CMYA5: variants seen among roughly 807,000 people sequenced by gnomAD.
CMYA5 encodes cardiomyopathy associated 5.
CMYA5 carries 246 observed loss-of-function variants against 318.9 expected under a neutral mutation model. The observed-to-expected ratio is 0.77, with a 90% CI of 0.70 to 0.86. CMYA5 has a LOEUF of 0.86. Ranked by LOEUF, CMYA5 falls within the 40% of genes least tolerant of loss-of-function variation. The probability of loss-of-function intolerance (pLI) is 0.00; values close to 1 mark genes in which losing one functional copy is unlikely to be tolerated. For missense variants in CMYA5, 4,589 were observed against 4,678.2 expected (o/e 0.98, Z 0.56); for synonymous variants, 1,641 against 1,729.5 (o/e 0.95, Z 1.27).
chr5:79,699,443 AC>A (rs1449912237), intron 1 of CMYA5, among the ~76,000 whole-genome samples: 1 of 152,198 alleles, frequency 6.6e-6, no homozygotes, highest in African/African-American at 2.4e-5. Flanking sequence ...AAATGCAGAC[AC>A]CTTTGAGAGG....
intron 9 of CMYA5, among the ~76,000 whole-genome samples, chr5:79,771,482 G>A (rs773615604): frequency 1.8e-4 from 28 of 152,236 alleles, no homozygotes; most frequent in Middle Eastern, 3.4e-3. Context: ...AATGGCATCC[G>A]TCCCCAGTTG....
intron 12 of CMYA5, among the ~76,000 whole-genome samples, chr5:79,795,792 C>A (rs1829264493): frequency 6.6e-6 from 1 of 152,078 alleles, no homozygotes; most frequent in African/African-American, 2.4e-5. Flanking sequence ...AGAGGTGGGA[C>A]TCAAGGGAGT....
rs762176860 is a variant in CMYA5, at chr5:79,731,343, A to G, written c.2578A>G (p.Thr860Ala). Residue 860 changes from threonine to alanine, a missense_variant, in exon 2 of 13, where the codon ACA (threonine) becomes GCA (alanine). Physicochemically the swap from Thr to Ala is moderately conservative, Grantham distance 58 (BLOSUM62 0). Coordinates refer to ENST00000446378, the MANE Select transcript of CMYA5 (RefSeq NM_153610.5). ...ATCTGAACACTCTTTCCCACCACAC[A>G]CAACCGAGATGACTTCTGAATGCCA... Reference protein sequence around the residue: ...VASEHSFPPHTTEMTSECQAP... With the variant: ...VASEHSFPPHATEMTSECQAP... The G allele has an allele frequency of 6.2e-7, 1 of 1,613,908 alleles. No individual in the cohort carries two copies. The highest frequency in any genetic ancestry group is 1.1e-5 in the South Asian group (1 of 91,072).
rs1460724806 is a variant in CMYA5 at position 79,734,564 on chromosome 5, G to A, written c.5799G>A (p.Val1933=). Residue 1933 remains valine, a synonymous_variant, in exon 2 of 13, where the codon GTG becomes GTA. Coordinates refer to ENST00000446378, the MANE Select transcript of CMYA5 (RefSeq NM_153610.5). ...GGCCAGGGCAGCTCAAGGCTGCTGTGTCCAGTAAGGACCATACATGTGAAG... is the reference window on the plus strand; with the variant it reads ...GGCCAGGGCAGCTCAAGGCTGCTGTATCCAGTAAGGACCATACATGTGAAG... The part of the protein sequence containing the change: ...ELRPGQLKAA[V]SSKDHTCEVR... The A allele has an allele frequency of 1.9e-6, 3 of 1,613,902 alleles. No individual in the cohort carries two copies. The highest frequency in any genetic ancestry group is 2.5e-6 in the Non-Finnish European group (3 of 1,179,844).
chr5:79,752,687 C>T lies in CMYA5; in HGVS notation c.11003C>T (p.Ala3668Val). ...CTATTCCCCGATAGGTTGCTTTCTGCAATGGAGAGCACTGCTTCTTTAGAG... is the reference window on the plus strand; with the variant it reads ...CTATTCCCCGATAGGTTGCTTTCTGTAATGGAGAGCACTGCTTCTTTAGAG... ...FEEINERLLS[A>V]MESTASLEKM... The change falls in exon 6 of 13, where the codon GCA (alanine) becomes GTA (valine). Residue 3668 changes from alanine to valine, a missense_variant. By Grantham distance (64) the Ala-to-Val change is moderately conservative (BLOSUM62 0). Transcript: ENST00000446378. 1 of 1,611,988 alleles carries T rather than the reference C, an allele frequency of 6.2e-7. No homozygotes were observed. The highest frequency in any genetic ancestry group is 8.5e-7 in the Non-Finnish European group (1 of 1,178,466).
chr5:79,743,758 TGGAGCTCACTGGTTGA>T, intron 2 of CMYA5, 53 bp from the exon 3 acceptor site: 1 of 748,740 alleles, frequency 1.3e-6, no homozygotes, highest in Non-Finnish European at 2.2e-6. Context: ...ATAAGGAACT[TGGAGCTCACTGGTTGA>T]AGTTCTCTTC....
In CMYA5 at chr5:79,737,878, AT is replaced by A; in HGVS notation, c.9116del (p.Leu3039TyrfsTer20). On this transcript the variant is annotated frameshift_variant, in exon 2 of 13. Coordinates refer to ENST00000446378, the MANE Select transcript of CMYA5 (RefSeq NM_153610.5). LOFTEE classifies it high-confidence loss of function. ...KEEISTDSET[D>X]LSFIQPTIPS... ...GAGATATCCACAGATTCAGAAACTG[AT>A]TTATCATTTATTCAGCCCACAATTC... 1 of 1,599,738 alleles carries A rather than the reference AT, an allele frequency of 6.3e-7. No individual in the cohort carries two copies. The highest frequency in any genetic ancestry group is 8.5e-7 in the Non-Finnish European group (1 of 1,176,380).
At position 79,734,032 on chromosome 5, in the gene CMYA5, G is replaced by A. The variant is rs1827988155; in HGVS notation, c.5267G>A (p.Ser1756Asn). Residue 1756 changes from serine to asparagine, a missense_variant, in exon 2 of 13, where the codon AGC (serine) becomes AAC (asparagine). Ser to Asn is a conservative substitution (Grantham distance 46). This residue lies in a region of CMYA5 where 2,132 missense variants were observed against 2,131.3 expected (regional missense o/e 1.00). Coordinates refer to ENST00000446378, the MANE Select transcript of CMYA5 (RefSeq NM_153610.5). ...TTAAAAGGATTATCAGAGGAGGTTAGCCATCCAGCCGACTTTAAAAAGGGA... is the reference window on the plus strand; with the variant it reads ...TTAAAAGGATTATCAGAGGAGGTTAACCATCCAGCCGACTTTAAAAAGGGA... ...FSLKGLSEEV[S>N]HPADFKKGGN... 1.9e-6 allele frequency: 3 copies of A among 1,613,668 alleles called. No homozygotes were observed. The highest frequency in any genetic ancestry group is 2.5e-6 in the Non-Finnish European group (3 of 1,179,850).
intron 1 of CMYA5, among the ~76,000 whole-genome samples, chr5:79,723,309 G>GT (rs1358509915): frequency 1.3e-5 from 2 of 151,970 alleles, no homozygotes; most frequent in African/African-American, 2.4e-5. Context: ...AGCAGTGGCA[G>GT]GCACCTGTAA....
At chr5:79,721,814 A>G (rs991256611) in intron 1 of CMYA5, among the ~76,000 whole-genome samples, 1 of 152,230 alleles carries the variant, frequency 6.6e-6, no homozygotes, top group African/African-American at 2.4e-5. Flanking sequence ...ATTAACATAG[A>G]TTCAAAATGT....
chr5:79,733,413 G>A lies in CMYA5; in HGVS notation c.4648G>A (p.Val1550Met), dbSNP rs766427762. 6 of 1,613,680 alleles carry A rather than the reference G, an allele frequency of 3.7e-6. No homozygotes were observed. The highest frequency in any genetic ancestry group is 5.1e-6 in the Non-Finnish European group (6 of 1,179,820). ...KETELPSSQNVSPASKHIIPK... is the reference protein window; with the variant it reads ...KETELPSSQNMSPASKHIIPK... ...AACTGAACTTCCTTCATCACAAAAT[G>A]TGTCACCTGCATCCAAACATATAAT... The change falls in exon 2 of 13, where the codon GTG (valine) becomes ATG (methionine). Residue 1550 changes from valine to methionine, a missense_variant. Transcript: ENST00000446378.
At chr5:79,762,826 G>A (rs1828678013) in intron 8 of CMYA5, 2 of 469,528 alleles carry the variant, frequency 4.3e-6, no homozygotes, top group Non-Finnish European at 3.8e-6. Flanking sequence ...TTTATAGGAA[G>A]CTACTATTAG....
intron 9 of CMYA5, among the ~76,000 whole-genome samples, chr5:79,786,672 CAGAATTTTTGA>C (rs1829087192): frequency 6.6e-6 from 1 of 152,056 alleles, no homozygotes; most frequent in Non-Finnish European, 1.5e-5. Flanking sequence ...TCTCAAATTC[CAGAATTTTTGA>C]AGTTTTTGTT....
At position 79,761,835 on chromosome 5, in the gene CMYA5, C is replaced by G; in HGVS notation, c.11285C>G (p.Thr3762Arg). Reference sequence around the variant, plus strand: ...GAGTTGGTAGAAGAATACAGACTGACAGTGAAAGAAAGCTACTGCATTTTT... The same window carrying G: ...GAGTTGGTAGAAGAATACAGACTGAGAGTGAAAGAAAGCTACTGCATTTTT... The part of the protein sequence containing the change: ...VNELVEEYRL[T>R]VKESYCIFED... Residue 3762 changes from threonine (T) to arginine (R), a missense_variant, in exon 8 of 13, where the codon ACA (threonine) becomes AGA (arginine). Thr to Arg is a moderately conservative substitution (Grantham distance 71, BLOSUM62 -1). Coordinates refer to ENST00000446378, the MANE Select transcript of CMYA5 (RefSeq NM_153610.5). 1 of 1,613,408 alleles carries G rather than the reference C, an allele frequency of 6.2e-7. No individual in the cohort carries two copies. Among genetic ancestry groups the G allele is most frequent in the Non-Finnish European group, 8.5e-7 (1 of 1,179,632 alleles).
chr5:79,799,798 T>C lies in CMYA5; in HGVS notation c.*182T>C. The C allele has an allele frequency of 1.6e-6, 1 of 610,052 alleles. No homozygotes were observed. The highest frequency in any genetic ancestry group is 2.6e-6 in the Non-Finnish European group (1 of 379,288). The allele number at this position is 610,052 out of a possible 1,614,324, so 37.8% of individuals were successfully genotyped here. A position where few individuals can be genotyped will look rare whatever the true frequency, so the allele number is the denominator to read the frequency against. ...AGAAAACCTTGACTTTACAGAGCAG[T>C]GTGTGAGTAAACAGAATGAAAACAA... On this transcript the variant is annotated 3_prime_UTR_variant, in exon 13 of 13. Transcript: ENST00000446378.
In CMYA5 at chr5:79,771,027, A is replaced by G. The variant is rs549013855; in HGVS notation, c.11555+7818A>G. On this transcript the variant is annotated intron_variant, in intron 9 of 12. Transcript: ENST00000446378. Reference sequence around the variant, plus strand: ...GGAAGGCAGGCTTCAGTATTAGCAAATAGCTTAGAGGTGAACTCTGGCCAA... The same window carrying G: ...GGAAGGCAGGCTTCAGTATTAGCAAGTAGCTTAGAGGTGAACTCTGGCCAA... Among the ~76,000 whole-genome samples, 90 of 151,578 alleles carry G rather than the reference A, an allele frequency of 5.9e-4. 1 individual carries two copies. The highest frequency in any genetic ancestry group is 2.1e-3 in the African/African-American group (86 of 41,350).
At chr5:79,753,254 A>C (rs1393146139) in intron 6 of CMYA5, among the ~76,000 whole-genome samples, 1 of 152,156 alleles carries the variant, frequency 6.6e-6, no homozygotes, top group Non-Finnish European at 1.5e-5. Flanking sequence ...ATGAGCTTAG[A>C]GAACTATCAG....
intron 12 of CMYA5, among the ~76,000 whole-genome samples, chr5:79,797,589 T>C (rs1829296352): frequency 1.3e-5 from 2 of 152,142 alleles, no homozygotes; most frequent in African/African-American, 4.8e-5. Flanking sequence ...GGCACCTTCC[T>C]ATCTCATTGT....
Position 79,736,616 on chromosome 5 carries a change from C to A in CMYA5, c.7851C>A (p.Thr2617=). 1.2e-6 allele frequency: 2 copies of A among 1,613,742 alleles called. No individual in the cohort carries two copies. Among genetic ancestry groups the A allele is most frequent in the Non-Finnish European group, 1.7e-6 (2 of 1,179,814 alleles). The part of the protein sequence containing the change: ...PEIREAKAVG[T]QPHPLEESKV... ...TCAGAGAAGCAAAGGCAGTAGGAAC[C>A]CAACCACATCCTTTAGAAGAAAGTA... The change falls in exon 2 of 13, where the codon ACC becomes ACA. Residue 2617 remains threonine (T), a synonymous_variant. Transcript: ENST00000446378.
Sources: gnomAD v4.1 joint callset for allele counts (sites outside exome capture counted in the v4.1 genomes callset) on GRCh38, gnomAD v4.1.1 for gene constraint, gnomAD v4.1.1 regional missense constraint, MANE v1.5 for transcripts, NCBI Gene and HGNC (gene_info 2026-07-23, HGNC 2026-07-21) for gene names.